CACNA2D1: variants seen among roughly 807,000 people sequenced by gnomAD.
CACNA2D1 encodes the protein voltage-dependent calcium channel subunit alpha-2/delta-1.
A neutral mutation model predicts 171.5 loss-of-function variants in CACNA2D1; 53 were observed. The ratio of observed to expected loss-of-function variants is 0.31; its 90% CI spans 0.25 to 0.39. CACNA2D1 has a LOEUF of 0.39. CACNA2D1 is among the 10% of genes least tolerant of loss of function. The pLI, the probability that CACNA2D1 is intolerant of heterozygous loss-of-function variation, is 1.00. For missense variants in CACNA2D1, 903 were observed against 1,299.8 expected (o/e 0.69, Z 4.69); for synonymous variants, 442 against 443.1 (o/e 1.00, Z 0.03).
At chr7:82,259,806 T>C (rs527716130) in intron 3 of CACNA2D1, among the ~76,000 whole-genome samples, 3 of 152,354 alleles carry the variant, frequency 2.0e-5, no homozygotes, top group African/African-American at 7.2e-5. Context: ...CTAACACTTA[T>C]TAGTTATTTT....
chr7:82,442,112 C>T (rs1227301951), intron 1 of CACNA2D1, among the ~76,000 whole-genome samples: 2 of 152,174 alleles, frequency 1.3e-5, no homozygotes, highest in Admixed American at 1.3e-4. Context: ...AGACACTCCC[C>T]TTCTCCGGGA....
At chr7:82,050,961 C>T (rs559405051) in intron 10 of CACNA2D1, 127 of 275,968 alleles carry the variant, frequency 4.6e-4, no homozygotes, top group African/African-American at 2.7e-3. Flanking sequence ...ACCAGTCCAT[C>T]TAAGAGACAG....
chr7:82,186,693 C>T (rs960029724), intron 3 of CACNA2D1, among the ~76,000 whole-genome samples: 6 of 151,622 alleles, frequency 4.0e-5, no homozygotes, highest in Admixed American at 6.6e-5. Context: ...AGATGGAACA[C>T]GTTAGGACAA....
intron 11 of CACNA2D1, among the ~76,000 whole-genome samples, chr7:82,034,776 T>C (rs1003911021): frequency 1.3e-5 from 2 of 152,094 alleles, no homozygotes; most frequent in African/African-American, 4.8e-5. Context: ...TATTATTGGA[T>C]GCAAATATCA....
At position 81,949,269 on chromosome 7, in the gene CACNA2D1, AATTC is replaced by A. The variant is rs1445714752; in HGVS notation, c.*1119_*1122del. On this transcript the variant is annotated 3_prime_UTR_variant, in exon 39 of 39. Transcript: ENST00000356860. ...CAGGCGAAAGCATGAATCTGTATAA[AATTC>A]ATTAATTCTCATTTCACCATTTATC... 1.3e-5 allele frequency: 2 copies of A among 152,050 alleles called. No individual in the cohort carries two copies. The highest frequency in any genetic ancestry group is 2.4e-5 in the African/African-American group (1 of 41,434). The allele number at this position is 152,050 out of a possible 1,614,324, so 9.4% of individuals were successfully genotyped here. A position where few individuals can be genotyped will look rare whatever the true frequency, so the allele number is the denominator to read the frequency against.
chr7:82,399,123 T>C (rs1826063490), intron 1 of CACNA2D1, among the ~76,000 whole-genome samples: 1 of 152,038 alleles, frequency 6.6e-6, no homozygotes, highest in Non-Finnish European at 1.5e-5. Flanking sequence ...AAAATCAGAG[T>C]CAGCACTAAA....
intron 12 of CACNA2D1, among the ~76,000 whole-genome samples, chr7:82,018,485 C>CA (rs527378767): frequency 1.9e-4 from 29 of 152,250 alleles, no homozygotes; most frequent in South Asian, 1.2e-3. Flanking sequence ...CTTACATCAT[C>CA]ATACATTCTT....
intron 8 of CACNA2D1, among the ~76,000 whole-genome samples, chr7:82,064,865 C>G (rs1807411316): frequency 6.6e-6 from 1 of 152,214 alleles, no homozygotes; most frequent in Non-Finnish European, 1.5e-5. Flanking sequence ...CAATGGCTCT[C>G]AAACTTTACA....
At chr7:82,147,325 G>A (rs1793260569) in intron 4 of CACNA2D1, among the ~76,000 whole-genome samples, 2 of 152,052 alleles carry the variant, frequency 1.3e-5, no homozygotes, top group African/African-American at 4.8e-5. Flanking sequence ...TGTTCCAAAT[G>A]ATATCAATAA....
Position 82,196,574 on chromosome 7 carries a change from T to C in CACNA2D1, c.295-25965A>G, listed in dbSNP as rs565512888. 2.6e-5 allele frequency among the ~76,000 whole-genome samples: 4 copies of C among 152,162 alleles called. No individual in the cohort carries two copies. In the South Asian group the frequency reaches 6.2e-4, roughly 24 times the overall value. On this transcript the variant is annotated intron_variant, in intron 3 of 38. Transcript: ENST00000356860. Reference sequence around the variant, plus strand: ...GATTTAGGCTTGGAGCTTGTTGTTTTAGTTGGTCTGTTTGTAGATTTGTTT... The same window carrying C: ...GATTTAGGCTTGGAGCTTGTTGTTTCAGTTGGTCTGTTTGTAGATTTGTTT...
intron 24 of CACNA2D1, among the ~76,000 whole-genome samples, chr7:81,977,533 G>A (rs1020876540): frequency 3.9e-5 from 6 of 152,118 alleles, no homozygotes; most frequent in Non-Finnish European, 5.9e-5. Flanking sequence ...AAACTGGCTA[G>A]CCACATGCAG....
At chr7:82,073,718 AG>A (rs1808606871) in intron 7 of CACNA2D1, among the ~76,000 whole-genome samples, 1 of 152,128 alleles carries the variant, frequency 6.6e-6, no homozygotes, top group African/African-American at 2.4e-5. Flanking sequence ...CTCCTGCCTC[AG>A]CCTACCGAGT....
intron 1 of CACNA2D1, among the ~76,000 whole-genome samples, chr7:82,439,901 G>A (rs1163319036): frequency 6.6e-6 from 1 of 151,600 alleles, no homozygotes; most frequent in Admixed American, 6.6e-5. Context: ...ACATTTCCTT[G>A]TGTATGTAAA....
rs149816862 is a variant in CACNA2D1, at chr7:82,001,792, C to T, written c.1590+3631G>A. On this transcript the variant is annotated intron_variant, in intron 18 of 38. Transcript: ENST00000356860. ...CGGGTTCTATCCTATAATCAATTTT[C>T]GTCAGATATTTCCTTGATTGCAAAA... 500 of 451,914 alleles carry T rather than the reference C, an allele frequency of 1.1e-3. 2 individuals carry two copies. Among genetic ancestry groups the T allele is most frequent in the African/African-American group, 9.1e-3 (441 of 48,224 alleles). The allele number at this position is 451,914 out of a possible 1,614,324, so 28.0% of individuals were successfully genotyped here. A position where few individuals can be genotyped will look rare whatever the true frequency, so the allele number is the denominator to read the frequency against.
intron 3 of CACNA2D1, among the ~76,000 whole-genome samples, chr7:82,294,976 T>C (rs1812084458): frequency 6.6e-6 from 1 of 152,142 alleles, no homozygotes; most frequent in Non-Finnish European, 1.5e-5. Context: ...ATAGTTATAA[T>C]TTGTCAATAT....
intron 1 of CACNA2D1, among the ~76,000 whole-genome samples, chr7:82,378,480 T>C (rs1054157556): frequency 6.6e-6 from 1 of 152,180 alleles, no homozygotes; most frequent in African/African-American, 2.4e-5. Flanking sequence ...TATTCAACAT[T>C]ATGAGTGATT....
chr7:82,430,640 A>G (rs1829597374), intron 1 of CACNA2D1, among the ~76,000 whole-genome samples: 1 of 152,172 alleles, frequency 6.6e-6, no homozygotes, highest in Admixed American at 6.5e-5. Context: ...CTCCATTTAT[A>G]TTGCAAAGTG....
intron 3 of CACNA2D1, among the ~76,000 whole-genome samples, chr7:82,224,296 G>T (rs904850124): frequency 1.3e-5 from 2 of 152,120 alleles, no homozygotes; most frequent in Non-Finnish European, 2.9e-5. Flanking sequence ...AATAAGAATA[G>T]CTAATATTTG....
intron 3 of CACNA2D1, among the ~76,000 whole-genome samples, chr7:82,184,041 A>G: frequency 6.6e-6 from 1 of 151,798 alleles, no homozygotes; most frequent in East Asian, 1.9e-4. Flanking sequence ...TTTGAGTTTA[A>G]TTAACTTGCA....
Sources: gnomAD v4.1 joint callset for allele counts (sites outside exome capture counted in the v4.1 genomes callset) on GRCh38, gnomAD v4.1.1 for gene constraint, MANE v1.5 for transcripts, NCBI Gene and HGNC (gene_info 2026-07-23, HGNC 2026-07-21) for gene names.